HPF1: variants seen among roughly 807,000 people sequenced by gnomAD.
HPF1 encodes histone PARylation factor 1.
Under a neutral mutation model 38.8 loss-of-function variants are expected in HPF1, and 35 were observed. That is an observed-to-expected ratio of 0.90 (90% confidence interval 0.69 to 1.19). The LOEUF (loss-of-function observed/expected upper bound fraction) is 1.19, where lower values mean the gene tolerates loss of function less well. HPF1 is among the 50% of genes most tolerant of loss of function. The pLI is 0.00. For missense variants in HPF1, 367 were observed against 405.8 expected (o/e 0.90, Z 0.82); for synonymous variants, 115 against 139.2 (o/e 0.83, Z 1.22).
intron 4 of HPF1, among the ~76,000 whole-genome samples, chr4:169,743,787 A>G (rs1734010851): frequency 6.6e-6 from 1 of 152,178 alleles, no homozygotes; most frequent in East Asian, 1.9e-4. Flanking sequence ...TTCACTGCCA[A>G]CATCTGAGAG....
At chr4:169,739,769 C>T (rs1213383837) in intron 5 of HPF1, among the ~76,000 whole-genome samples, 6 of 152,060 alleles carry the variant, frequency 3.9e-5, no homozygotes, top group Admixed American at 6.6e-5. Context: ...ATTCTGCAGC[C>T]GCTCAAAATT....
chr4:169,752,008 A>ATT (rs1468171267), intron 2 of HPF1, among the ~76,000 whole-genome samples: 4 of 152,104 alleles, frequency 2.6e-5, no homozygotes, highest in Middle Eastern at 3.2e-3. Context: ...TTTCCATGCT[A>ATT]TTCAATGTTA....
At chr4:169,736,780 G>A (rs1733901080) in intron 6 of HPF1, among the ~76,000 whole-genome samples, 1 of 152,188 alleles carries the variant, frequency 6.6e-6, no homozygotes, top group South Asian at 2.1e-4. Context: ...CCCAGAAGAG[G>A]ATGATCAATA....
At chr4:169,739,282 G>A (rs1733936439) in intron 5 of HPF1, among the ~76,000 whole-genome samples, 1 of 152,056 alleles carries the variant, frequency 6.6e-6, no homozygotes, top group Non-Finnish European at 1.5e-5. Context: ...AAATATATCT[G>A]CAAAATGTAA....
chr4:169,744,966 A>C (rs10019363), intron 4 of HPF1, among the ~76,000 whole-genome samples: 4 of 16,744 alleles, frequency 2.4e-4, no homozygotes, highest in Non-Finnish European at 5.8e-4. Context: ...ACAATAAGAA[A>C]AAAAAAGAAA....
chr4:169,747,992 C>T (rs911620300), intron 4 of HPF1, among the ~76,000 whole-genome samples: 64 of 152,216 alleles, frequency 4.2e-4, no homozygotes, highest in African/African-American at 1.5e-3. Context: ...CAGCAGTTCT[C>T]GAATTCCCAG....
intron 5 of HPF1, 58 bp from the exon 6 acceptor site, chr4:169,737,805 TC>T (rs932549423): frequency 2.2e-5 from 22 of 988,224 alleles, no homozygotes; most frequent in African/African-American, 6.6e-5. Context: ...AAAAAAAAAA[TC>T]CCCAAATACA....
Position 169,729,511 on chromosome 4 carries a change from C to T in HPF1, c.*67G>A. ...GTTTATTTTTTGTATTCCTTAAAAA[C>T]AAAACAAAAATCACAAGTTTAATAC... On this transcript the variant is annotated 3_prime_UTR_variant, in exon 8 of 8. Coordinates refer to ENST00000393381, the MANE Select transcript of HPF1 (RefSeq NM_017867.3). 8.0e-7 allele frequency: 1 copy of T among 1,256,692 alleles called. No homozygotes were observed. Among genetic ancestry groups the T allele is most frequent in the East Asian group, 2.8e-5 (1 of 35,352 alleles). 77.8% of individuals were successfully genotyped at this position (1,256,692 alleles called of 1,614,324 possible). A position where few individuals can be genotyped will look rare whatever the true frequency, so the allele number is the denominator to read the frequency against.
intron 1 of HPF1, 51 bp downstream of exon 1, chr4:169,757,779 G>A (rs779568962): frequency 4.7e-6 from 7 of 1,492,888 alleles, no homozygotes; most frequent in Middle Eastern, 1.7e-4. Flanking sequence ...CTGGTGCCCT[G>A]GCTGTCACCC....
intron 6 of HPF1, among the ~76,000 whole-genome samples, chr4:169,734,667 T>G (rs1489068966): frequency 1.3e-5 from 2 of 152,178 alleles, no homozygotes; most frequent in Non-Finnish European, 2.9e-5. Flanking sequence ...ATGTTTCTAC[T>G]CAAAATACTC....
intron 3 of HPF1, among the ~76,000 whole-genome samples, chr4:169,749,316 G>A (rs1297453799): frequency 1.3e-5 from 2 of 152,074 alleles, no homozygotes; most frequent in Admixed American, 6.5e-5. Flanking sequence ...CTCAAACAAC[G>A]GACAACAGTT....
chr4:169,750,647 T>C lies in HPF1; in HGVS notation c.287A>G (p.Lys96Arg), dbSNP rs769075626. The C allele has an allele frequency of 1.2e-5, 19 of 1,613,958 alleles. 1 individual carries two copies. The South Asian group carries it at 1.9e-4, about 16-fold the overall frequency. ...AAGGTTAAAATTCAGGCCTGTTGAT[T>C]TTTTCTTCGTTTTATGTTTTCCAGC... is the stretch of plus-strand genomic sequence containing the variant. Reference protein sequence around the residue: ...ILAGKHKTKKKSTGLNFNLHW... With the variant: ...ILAGKHKTKKRSTGLNFNLHW... Residue 96 changes from lysine to arginine, a missense_variant, in exon 3 of 8, where the codon AAA becomes AGA. Coordinates refer to ENST00000393381, the MANE Select transcript of HPF1 (RefSeq NM_017867.3).
intron 6 of HPF1, among the ~76,000 whole-genome samples, chr4:169,736,177 G>A (rs1204345966): frequency 1.3e-5 from 2 of 151,462 alleles, no homozygotes; most frequent in Admixed American, 6.6e-5. Context: ...CCAGGAGTTC[G>A]AGACCAGCAT....
rs1308505273 is a variant in HPF1, at chr4:169,742,027, G to T, written c.578C>A (p.Thr193Lys). 5 of 1,611,954 alleles carry T rather than the reference G, an allele frequency of 3.1e-6. No homozygotes were observed. The African/African-American group carries it at 6.7e-5, about 22-fold the overall frequency. The change falls in exon 5 of 8, where the codon ACA becomes AAA. Residue 193 changes from threonine (T) to lysine (K), a missense_variant. Transcript: ENST00000393381. ...GTACCCCAATTCTCTGGCTGCTTCT[G>T]TGAGTTTTTCATCTATGTTTTTCAA... ...NLLKNIDEKL[T>K]EAARELGYSL... is the part of the protein sequence containing the mutation.
At chr4:169,737,624 A>T in intron 6 of HPF1, 36 bp downstream of exon 6, 1 of 1,252,364 alleles carries the variant, frequency 8.0e-7, no homozygotes, top group Non-Finnish European at 1.2e-6. Context: ...CATGTGCATT[A>T]ACATATATGC....
chr4:169,731,798 TG>T lies in HPF1; in HGVS notation c.814del (p.Gln272ArgfsTer3), dbSNP rs1232474701. 5.0e-6 allele frequency: 8 copies of T among 1,608,806 alleles called. No individual in the cohort carries two copies. Among genetic ancestry groups the T allele is most frequent in the African/African-American group, 1.3e-5 (1 of 74,410 alleles). On this transcript the variant is annotated frameshift_variant, in exon 7 of 8. Transcript: ENST00000393381. LOFTEE classifies it high-confidence loss of function. ...EERLKAFAPI[Q>X]EMMTFVQFAN... The stretch of plus-strand genomic sequence containing the variant: ...AAACTGCACAAAAGTCATCATTTCC[TG>T]AATGGGAGCAAAAGCTTTTAGTCTC...
intron 5 of HPF1, among the ~76,000 whole-genome samples, chr4:169,737,957 G>A (rs144262721): frequency 6.5e-4 from 96 of 147,038 alleles, no homozygotes; most frequent in African/African-American, 2.2e-3. Flanking sequence ...TCACAGAACA[G>A]TGAAATAATT....
Position 169,731,722 on chromosome 4 carries a change from G to C in HPF1, c.891C>G (p.Leu297=), listed in dbSNP as rs371196142. 3.2e-6 allele frequency: 5 copies of C among 1,558,450 alleles called. No individual in the cohort carries two copies. The highest frequency in any genetic ancestry group is 4.3e-6 in the Non-Finnish European group (5 of 1,158,708). ...TACTCACATGTGAGCCATAGCAAAA[G>C]AGATCCATTCCCAATTCAAGCCCCA... is the stretch of plus-strand genomic sequence containing the variant. The part of the protein sequence containing the change: ...YGMGLELGMD[L]FCYGSHYFHK... The change falls in exon 7 of 8, where the codon CTC becomes CTG. Residue 297 remains leucine (L), a synonymous_variant. Transcript: ENST00000393381.
At chr4:169,730,972 A>T (rs1733820895) in intron 7 of HPF1, among the ~76,000 whole-genome samples, 1 of 152,222 alleles carries the variant, frequency 6.6e-6, no homozygotes, top group Non-Finnish European at 1.5e-5. Flanking sequence ...ATGAGAATTA[A>T]ATGATCTGCG....
Sources: gnomAD v4.1 joint callset for allele counts (sites outside exome capture counted in the v4.1 genomes callset) on GRCh38, gnomAD v4.1.1 for gene constraint, MANE v1.5 for transcripts, NCBI Gene and HGNC (gene_info 2026-07-23, HGNC 2026-07-21) for gene names.